PLEKHS1: variants seen among roughly 807,000 people sequenced by gnomAD.
The protein encoded by PLEKHS1 is pleckstrin homology domain-containing family S member 1.
In PLEKHS1, 55 loss-of-function variants were observed where a neutral mutation model predicts 51.0. That is an observed-to-expected ratio of 1.08 (90% CI 0.87 to 1.35). The LOEUF (loss-of-function observed/expected upper bound fraction) is 1.35, where lower values mean the gene tolerates loss of function less well. Ranked by LOEUF, PLEKHS1 falls within the 40% of genes most tolerant of loss-of-function variation. PLEKHS1 has a pLI of 0.00. For synonymous variants in PLEKHS1, 153 were observed against 144.8 expected (o/e 1.06, Z -0.41); for missense variants, 398 against 423.0 (o/e 0.94, Z 0.52).
At chr10:113,758,481 ATT>A (rs1843772722) in intron 2 of PLEKHS1, among the ~76,000 whole-genome samples, 1 of 152,170 alleles carries the variant, frequency 6.6e-6, no homozygotes, top group Non-Finnish European at 1.5e-5. Flanking sequence ...AGAAATATTC[ATT>A]AAACCATGTT....
At chr10:113,762,488 T>A (rs527285304) in intron 2 of PLEKHS1, among the ~76,000 whole-genome samples, 3 of 151,178 alleles carry the variant, frequency 2.0e-5, no homozygotes, top group East Asian at 2.0e-4. Flanking sequence ...CATTAAAAAA[T>A]TTTTCCCTAA....
chr10:113,760,033 A>G (rs997032401), intron 2 of PLEKHS1, among the ~76,000 whole-genome samples: 1 of 151,034 alleles, frequency 6.6e-6, no homozygotes, highest in Non-Finnish European at 1.5e-5. Flanking sequence ...CCATGCAGTC[A>G]TACTTCCCCA....
At chr10:113,766,848 G>T (rs899986032) in intron 4 of PLEKHS1, 130 bp downstream of exon 4, 11 of 661,998 alleles carry the variant, frequency 1.7e-5, no homozygotes, top group Non-Finnish European at 2.8e-5. Context: ...TAATATTTGT[G>T]ACTGAATAGG....
intron 7 of PLEKHS1, among the ~76,000 whole-genome samples, chr10:113,770,339 T>C (rs1365163920): frequency 6.6e-6 from 1 of 152,236 alleles, no homozygotes; most frequent in Non-Finnish European, 1.5e-5. Flanking sequence ...TCGCTTCTCA[T>C]TCATTATAGC....
intron 2 of PLEKHS1, 35 bp from the exon 3 acceptor site, chr10:113,766,376 T>C (rs376862334): frequency 2.2e-5 from 29 of 1,306,010 alleles, no homozygotes; most frequent in Non-Finnish European, 2.8e-5. Context: ...CAGAAATTTA[T>C]GAGGAACAAA....
At chr10:113,766,469 A>G in exon 3 of PLEKHS1, 1 of 1,604,428 alleles carries the variant, frequency 6.2e-7, no homozygotes, top group Non-Finnish European at 8.5e-7. Flanking sequence ...ACTTTATTAA[A>G]TCACCACCTT....
At chr10:113,767,368 T>G in exon 5 of PLEKHS1, 1 of 1,609,670 alleles carries the variant, frequency 6.2e-7, no homozygotes, top group South Asian at 1.1e-5. Flanking sequence ...GAAGTTGGCA[T>G]AAGTAGCCAG....
At chr10:113,752,439 C>G (rs1040116140) in intron 1 of PLEKHS1, among the ~76,000 whole-genome samples, 1 of 152,066 alleles carries the variant, frequency 6.6e-6, no homozygotes, top group Non-Finnish European at 1.5e-5. Context: ...ATTAAACAAC[C>G]ATAGAATCAT....
chr10:113,765,457 C>T, intron 2 of PLEKHS1: 1 of 774,222 alleles, frequency 1.3e-6, no homozygotes, highest in Admixed American at 1.7e-5. Context: ...CAGGTAGTTT[C>T]AGCACACACA....
intron 2 of PLEKHS1, among the ~76,000 whole-genome samples, chr10:113,760,726 T>C (rs1843884221): frequency 6.6e-6 from 1 of 152,210 alleles, no homozygotes; most frequent in Admixed American, 6.5e-5. Context: ...TGGTCAGATA[T>C]ATGATTTTTG....
intron 2 of PLEKHS1, among the ~76,000 whole-genome samples, chr10:113,757,674 TGA>T (rs904233647): frequency 6.6e-6 from 1 of 152,246 alleles, no homozygotes; most frequent in African/African-American, 2.4e-5. Context: ...ACAATGAAGT[TGA>T]CCACATCGAT....
chr10:113,755,380 A>G, intron 2 of PLEKHS1, 75 bp downstream of exon 2: 1 of 1,553,396 alleles, frequency 6.4e-7, no homozygotes, highest in Non-Finnish European at 8.7e-7. Context: ...CAAGCTAACC[A>G]GGATACAGAA....
chr10:113,768,145 C>T (rs1844245636), intron 5 of PLEKHS1, among the ~76,000 whole-genome samples: 3 of 151,528 alleles, frequency 2.0e-5, no homozygotes, highest in East Asian at 3.9e-4. Flanking sequence ...AATACAAAAA[C>T]ATCTACACAA....
At chr10:113,770,524 T>C (rs1255858783) in intron 7 of PLEKHS1, among the ~76,000 whole-genome samples, 1 of 152,234 alleles carries the variant, frequency 6.6e-6, no homozygotes, top group Non-Finnish European at 1.5e-5. Context: ...CTGGCACGGA[T>C]ACTATTTTGT....
chr10:113,770,619 T>C (rs1241631528), intron 7 of PLEKHS1, among the ~76,000 whole-genome samples: 1 of 152,180 alleles, frequency 6.6e-6, no homozygotes. Flanking sequence ...TTTATCTAGT[T>C]GGTAGCTCTC....
chr10:113,768,573 A>G (rs1844261822), intron 5 of PLEKHS1, among the ~76,000 whole-genome samples: 1 of 152,234 alleles, frequency 6.6e-6, no homozygotes, highest in South Asian at 2.1e-4. Flanking sequence ...AAACCCTGTG[A>G]TTACTACTAT....
intron 11 of PLEKHS1, among the ~76,000 whole-genome samples, chr10:113,776,574 A>C (rs1447633661): frequency 6.6e-6 from 1 of 151,746 alleles, no homozygotes; most frequent in African/African-American, 2.4e-5. Flanking sequence ...GAAACTGTGG[A>C]CTCCTCCATA....
chr10:113,767,066 T>A (rs1844197862), intron 4 of PLEKHS1, among the ~76,000 whole-genome samples: 1 of 152,236 alleles, frequency 6.6e-6, no homozygotes, highest in South Asian at 2.1e-4. Flanking sequence ...TTTTTGGTCT[T>A]CTCTTTAATA....
At chr10:113,783,427 G>GTATGTA (rs1844908081), downstream of PLEKHS1, 2 of 152,168 alleles carry the variant, frequency 1.3e-5, no homozygotes, top group Non-Finnish European at 2.9e-5. Context: ...GTGTTTGTGT[G>GTATGTA]TATGTATATG....
Sources: allele counts gnomAD v4.1 joint callset (sites outside exome capture counted in the v4.1 genomes callset), GRCh38; gene constraint gnomAD v4.1.1; transcripts MANE v1.5; gene names NCBI Gene and HGNC (gene_info 2026-07-23, HGNC 2026-07-21).